Variants in NSF observed in about 807,000 individuals in gnomAD.
NSF encodes the protein N-ethylmaleimide sensitive factor, vesicle fusing ATPase.
In NSF, 14 loss-of-function variants were observed where a neutral mutation model predicts 50.3. The observed-to-expected ratio is 0.28, with a 90% CI of 0.18 to 0.44. The LOEUF (loss-of-function observed/expected upper bound fraction) is 0.44. Ranked by LOEUF, NSF falls within the 20% of genes least tolerant of loss-of-function variation. The pLI, the probability that NSF is intolerant of heterozygous loss-of-function variation, is 1.00. For missense variants in NSF, 218 were observed against 504.3 expected (o/e 0.43, Z 5.44); for synonymous variants, 109 against 175.7 (o/e 0.62, Z 3.00).
At chr17:46,687,875 A>AT (rs1472470242) in intron 9 of NSF, among the ~76,000 whole-genome samples, 2 of 89,386 alleles carry the variant, frequency 2.2e-5, no homozygotes, top group Non-Finnish European at 4.3e-5. Context: ...CTTCTTAGCT[A>AT]TTAGACCCTC....
At position 46,605,995 on chromosome 17, in the gene NSF, C is replaced by CA. The variant is rs59118188; in HGVS notation, c.12+15242dup. On this transcript the variant is annotated intron_variant, in intron 1 of 20. Transcript: ENST00000398238. ...AGAAACCTCGTCTCTACTAAAAATA[C>CA]AAAAAAAAAAAAAAAAAAAAAAAAA... is the stretch of plus-strand genomic sequence containing the variant. Among the ~76,000 whole-genome samples, 75 of 51,050 alleles carry CA rather than the reference C, an allele frequency of 1.5e-3. 2 individuals carry two copies. The highest frequency in any genetic ancestry group is 5.8e-3 in the African/African-American group (56 of 9,706). 33.5% of individuals were successfully genotyped at this position (51,050 alleles called of 152,430 possible).
intron 19 of NSF, among the ~76,000 whole-genome samples, chr17:46,753,887 A>G (rs1568064319): frequency 6.6e-6 from 1 of 152,220 alleles, no homozygotes; most frequent in Non-Finnish European, 1.5e-5. Flanking sequence ...AGAGGCATGT[A>G]GTTTTGCAGA....
At chr17:46,753,400 CTAATT>C (rs529731852) in intron 19 of NSF, among the ~76,000 whole-genome samples, 100 of 152,232 alleles carry the variant, frequency 6.6e-4, no homozygotes, top group African/African-American at 2.3e-3. Context: ...TTTCAGAAAT[CTAATT>C]TAATCTACTG....
intron 8 of NSF, among the ~76,000 whole-genome samples, chr17:46,649,567 C>A (rs1426010749): frequency 6.6e-6 from 1 of 150,750 alleles, no homozygotes; most frequent in Non-Finnish European, 1.5e-5. Context: ...TACTCCCATA[C>A]GTAAGTTGGT....
chr17:46,609,984 G>A lies in NSF; in HGVS notation c.13-14260G>A, dbSNP rs1329457372. On this transcript the variant is annotated intron_variant, in intron 1 of 20. Transcript: ENST00000398238. ...TTACTGATTTGTGCCACCAAGCCAG[G>A]CTAATTTATTTTCTTTCTTTCTCTC... Among the ~76,000 whole-genome samples the A allele has an allele frequency of 3.5e-5, 5 of 142,046 alleles. 1 individual carries two copies. The highest frequency in any genetic ancestry group is 7.9e-5 in the Non-Finnish European group (5 of 63,164). The allele number at this position is 142,046 out of a possible 152,430, so 93.2% of individuals were successfully genotyped here.
intron 15 of NSF, 55 bp from the exon 16 acceptor site, chr17:46,726,494 A>G: frequency 6.5e-7 from 1 of 1,530,978 alleles, no homozygotes; most frequent in Non-Finnish European, 9.1e-7. Context: ...ACTTCTTGGA[A>G]ATTGTCGTAA....
At chr17:46,721,267 A>G (rs1319334270) in intron 15 of NSF, among the ~76,000 whole-genome samples, 1 of 152,086 alleles carries the variant, frequency 6.6e-6, no homozygotes, top group Non-Finnish European at 1.5e-5. Context: ...TGACAATCTC[A>G]TTATGTGCAC....
intron 7 of NSF, among the ~76,000 whole-genome samples, chr17:46,642,534 TTG>T (rs1445306558): frequency 3.1e-5 from 4 of 129,638 alleles, no homozygotes; most frequent in Non-Finnish European, 4.6e-5. Flanking sequence ...AACATGAGTT[TTG>T]TAATCATTGA....
Position 46,755,985 on chromosome 17 carries a change from A to T in NSF, c.*162A>T. On this transcript the variant is annotated 3_prime_UTR_variant, in exon 21 of 21. Coordinates refer to ENST00000398238, the MANE Select transcript of NSF (RefSeq NM_006178.4). Reference sequence around the variant, plus strand: ...TTAGTGCAATAAAACTCCCTTCCTTATGCATACTGAGATAGCTTAGTGTCT... The same window carrying T: ...TTAGTGCAATAAAACTCCCTTCCTTTTGCATACTGAGATAGCTTAGTGTCT... 1 of 645,452 alleles carries T rather than the reference A, an allele frequency of 1.5e-6. No homozygotes were observed. The highest frequency in any genetic ancestry group is 2.6e-6 in the Non-Finnish European group (1 of 382,940). The allele number at this position is 645,452 out of a possible 1,614,324, so 40.0% of individuals were successfully genotyped here. A position where few individuals can be genotyped will look rare whatever the true frequency, so the allele number is the denominator to read the frequency against.
chr17:46,742,782 C>T (rs2059088389), intron 17 of NSF, among the ~76,000 whole-genome samples: 1 of 152,172 alleles, frequency 6.6e-6, no homozygotes, highest in South Asian at 2.1e-4. Flanking sequence ...TGGTTTCTAC[C>T]ATCGGGGAGT....
At chr17:46,691,792 G>A (rs1041769092) in intron 9 of NSF, among the ~76,000 whole-genome samples, 7 of 151,272 alleles carry the variant, frequency 4.6e-5, no homozygotes, top group Middle Eastern at 3.4e-3. Flanking sequence ...TCACTCTGTC[G>A]CCCAGGCTGG....
At chr17:46,729,180 T>C (rs551707911) in intron 17 of NSF, among the ~76,000 whole-genome samples, 1 of 152,228 alleles carries the variant, frequency 6.6e-6, no homozygotes, top group Admixed American at 6.5e-5. Flanking sequence ...CAATTAGCAT[T>C]GTATTTTGTT....
At chr17:46,750,150 C>T (rs535700005) in intron 18 of NSF, among the ~76,000 whole-genome samples, 11 of 152,238 alleles carry the variant, frequency 7.2e-5, no homozygotes, top group Non-Finnish European at 1.3e-4. Flanking sequence ...GTCAGGAGTT[C>T]GAGACCAGCC....
intron 17 of NSF, among the ~76,000 whole-genome samples, chr17:46,734,361 G>A (rs534021519): frequency 6.6e-6 from 1 of 151,990 alleles, no homozygotes; most frequent in African/African-American, 2.4e-5. Context: ...CCACTGATGT[G>A]GTGACTTTTG....
At chr17:46,631,090 A>ACACACG (rs2058134676) in intron 4 of NSF, among the ~76,000 whole-genome samples, 1 of 145,988 alleles carries the variant, frequency 6.8e-6, no homozygotes, top group African/African-American at 2.8e-5. Flanking sequence ...ACACACACAC[A>ACACACG]CACACACACA....
chr17:46,620,965 T>TG (rs1231620033), intron 1 of NSF, among the ~76,000 whole-genome samples: 2 of 70,680 alleles, frequency 2.8e-5, no homozygotes, highest in African/African-American at 1.4e-4. Context: ...CTGGCCAACA[T>TG]GGTGAAACCC....
Position 46,757,400 on chromosome 17 carries a change from T to C in NSF, c.*1577T>C, listed in dbSNP as rs2059244083. 1 of 152,740 alleles carries C rather than the reference T, an allele frequency of 6.5e-6. No homozygotes were observed. The highest frequency in any genetic ancestry group is 2.1e-4 in the South Asian group (1 of 4,834). 9.5% of individuals were successfully genotyped at this position (152,740 alleles called of 1,614,324 possible). On this transcript the variant is annotated 3_prime_UTR_variant, in exon 21 of 21. Transcript: ENST00000398238. ...AATGTCTTTGTGTTTTGTCCAAAAC[T>C]GTATTGAAAAAATATTGTTTAATGC...
rs754563217 is a variant in NSF at position 46,726,557 on chromosome 17, T to C, written c.1770T>C (p.Asp590=). Residue 590 remains aspartate (D), a synonymous_variant, in exon 16 of 21, where the codon GAT becomes GAC. Coordinates refer to ENST00000398238, the MANE Select transcript of NSF (RefSeq NM_006178.4). ...ACTTTGTTTTCTTTCAGATCTTTGA[T>C]GATGCGTACAAATCCCAGCTCAGTT... ...AKCQAMKKIF[D]DAYKSQLSCV... is the part of the protein sequence containing the mutation. 1 of 1,613,970 alleles carries C rather than the reference T, an allele frequency of 6.2e-7. No homozygotes were observed. Among genetic ancestry groups the C allele is most frequent in the Admixed American group, 1.7e-5 (1 of 60,030 alleles).
chr17:46,732,603 T>C (rs554727041), intron 17 of NSF, among the ~76,000 whole-genome samples: 5 of 152,338 alleles, frequency 3.3e-5, no homozygotes, highest in Admixed American at 6.5e-5. Flanking sequence ...ATGATTGATT[T>C]ATTAGCCCTT....
Sources: allele counts gnomAD v4.1 joint callset (sites outside exome capture counted in the v4.1 genomes callset), GRCh38; gene constraint gnomAD v4.1.1; transcripts MANE v1.5; gene names NCBI Gene and HGNC (gene_info 2026-07-23, HGNC 2026-07-21).